GPR55: variants seen among roughly 807,000 people sequenced by gnomAD.
GPR55 encodes the protein G-protein coupled receptor 55.
Under a neutral mutation model 7.9 loss-of-function variants are expected in GPR55, and 6 were observed. The observed-to-expected ratio is 0.76, with a 90% CI of 0.41 to 1.49. GPR55 has a LOEUF of 1.49. Among genes scored for constraint, GPR55 ranks in the 40% most tolerant of loss-of-function variants. The pLI is 0.01. For synonymous variants in GPR55, 183 were observed against 166.8 expected, an observed-to-expected ratio of 1.10 and a Z score of -0.75; for missense variants, 376 against 406.0, an observed-to-expected ratio of 0.93 and a Z score of 0.63.
chr2:230,927,111 T>C (rs1416457918), upstream of GPR55, among the ~76,000 whole-genome samples: 7 of 152,222 alleles, frequency 4.6e-5, no homozygotes, highest in South Asian at 2.1e-4. Context: ...TAAACACATA[T>C]AGGAAAATAT....
chr2:230,924,920 G>A lies in GPR55; in HGVS notation c.-135+248C>T, dbSNP rs555878543. On this transcript the variant is annotated intron_variant, in intron 1 of 1. Coordinates refer to ENST00000650999, the MANE Select transcript of GPR55 (RefSeq NM_005683.4). The surrounding 1 kb of genome is among the most constrained non-coding windows in gnomAD (Gnocchi z 4.5). ...CAGATCAGGAGGAAGTTGAGGGTTC[G>A]TAGAAAAATGTCACTCGTAATCGGG... is the stretch of plus-strand genomic sequence containing the variant. Among the ~76,000 whole-genome samples, 14 of 152,248 alleles carry A rather than the reference G, an allele frequency of 9.2e-5. No homozygotes were observed. The highest frequency in any genetic ancestry group is 2.9e-4 in the African/African-American group (12 of 41,542).
chr2:230,913,112 C>A (rs143642222), intron 1 of GPR55, among the ~76,000 whole-genome samples: 243 of 152,240 alleles, frequency 1.6e-3, no homozygotes, highest in Non-Finnish European at 2.6e-3. Context: ...GGCTTGTTTG[C>A]CTCCCATTGT....
upstream of GPR55, among the ~76,000 whole-genome samples, chr2:230,929,361 T>C: frequency 6.6e-6 from 1 of 152,126 alleles, no homozygotes; most frequent in Non-Finnish European, 1.5e-5. Context: ...TGAAGATGTC[T>C]CCTTGAAAGT....
chr2:230,950,818 C>T (rs905183425), intron 1 of GPR55, among the ~76,000 whole-genome samples: 5 of 150,906 alleles, frequency 3.3e-5, no homozygotes, highest in Non-Finnish European at 7.4e-5. Flanking sequence ...TCTTCCCCCG[C>T]CTTTCTGATT....
At chr2:230,926,452 T>C (rs532471920), upstream of GPR55, among the ~76,000 whole-genome samples, 1 of 152,212 alleles carries the variant, frequency 6.6e-6, no homozygotes, top group Admixed American at 6.5e-5. Context: ...GGCTGGCTAC[T>C]GGGCAAGGGG....
At position 230,909,807 on chromosome 2, in the gene GPR55, T is replaced by G; in HGVS notation, c.*196A>C. 2 of 585,518 alleles carry G rather than the reference T, an allele frequency of 3.4e-6. No individual in the cohort carries two copies. The highest frequency in any genetic ancestry group is 6.0e-6 in the Non-Finnish European group (2 of 331,288). The allele number at this position is 585,518 out of a possible 1,614,324, so 36.3% of individuals were successfully genotyped here. A position where few individuals can be genotyped will look rare whatever the true frequency, so the allele number is the denominator to read the frequency against. ...TCTTCAGAGATCCCTGAACACTGGG[T>G]GGTATAAGCTGTCTGGGCAGTGGAA... is the stretch of plus-strand genomic sequence containing the variant. On this transcript the variant is annotated 3_prime_UTR_variant, in exon 2 of 2. Transcript: ENST00000650999.
At chr2:230,928,086 G>T (rs1385707379), upstream of GPR55, among the ~76,000 whole-genome samples, 1 of 152,174 alleles carries the variant, frequency 6.6e-6, no homozygotes, top group Non-Finnish European at 1.5e-5. Flanking sequence ...GTTGGTGAGG[G>T]CCCGGGCACC....
At chr2:230,958,522 T>C (rs951270666) in intron 1 of GPR55, among the ~76,000 whole-genome samples, 3 of 152,170 alleles carry the variant, frequency 2.0e-5, no homozygotes, top group African/African-American at 7.2e-5. Flanking sequence ...TAACCATTCC[T>C]ACCTCCCTCT....
intron 1 of GPR55, among the ~76,000 whole-genome samples, chr2:230,919,544 G>T (rs1386805391): frequency 6.6e-6 from 1 of 152,158 alleles, no homozygotes; most frequent in African/African-American, 2.4e-5. Context: ...TTTGGCAAGG[G>T]TTCTGTGAAA....
chr2:230,927,421 C>T (rs7579552), upstream of GPR55, among the ~76,000 whole-genome samples: 3,082 of 152,328 alleles, frequency 0.02, 108 homozygotes, highest in African/African-American at 0.069. Context: ...GGCAGGGACT[C>T]GCCCAAGGCC....
chr2:230,937,614 C>T (rs1019684148), intron 1 of GPR55, among the ~76,000 whole-genome samples: 6 of 151,398 alleles, frequency 4.0e-5, no homozygotes, highest in South Asian at 2.1e-4. Context: ...CTTTGTGGCA[C>T]GGAGCATTTA....
At chr2:230,942,426 C>T (rs927177973) in intron 1 of GPR55, among the ~76,000 whole-genome samples, 1 of 152,224 alleles carries the variant, frequency 6.6e-6, no homozygotes, top group African/African-American at 2.4e-5. Flanking sequence ...GACCCAGCCA[C>T]TGCCCTCCAG....
At chr2:230,948,941 C>T (rs1430627539) in intron 1 of GPR55, among the ~76,000 whole-genome samples, 8 of 152,044 alleles carry the variant, frequency 5.3e-5, no homozygotes, top group African/African-American at 1.4e-4. Flanking sequence ...TGGTGGCGTG[C>T]GCCTGTAATC....
chr2:230,931,325 T>C (rs1001338989), intron 1 of GPR55, among the ~76,000 whole-genome samples: 7 of 152,174 alleles, frequency 4.6e-5, no homozygotes, highest in Admixed American at 3.9e-4. Context: ...CTGTTCATTC[T>C]CCAAACACCC....
intron 1 of GPR55, among the ~76,000 whole-genome samples, chr2:230,960,296 G>A (rs1410419419): frequency 6.6e-6 from 1 of 152,188 alleles, no homozygotes; most frequent in Non-Finnish European, 1.5e-5. Flanking sequence ...TAAGAAATGT[G>A]CAGTACCAGT....
At chr2:230,958,017 C>A in intron 1 of GPR55, 1 of 315,086 alleles carries the variant, frequency 3.2e-6, no homozygotes, top group Non-Finnish European at 6.5e-6. Flanking sequence ...AGCTCAACCA[C>A]ATAAAACATT....
At chr2:230,920,615 A>G (rs911046136) in intron 1 of GPR55, among the ~76,000 whole-genome samples, 1 of 152,208 alleles carries the variant, frequency 6.6e-6, no homozygotes, top group African/African-American at 2.4e-5. Context: ...TTCATAGTGA[A>G]GAGTAGGTGA....
intron 1 of GPR55, among the ~76,000 whole-genome samples, chr2:230,920,157 A>G (rs941122711): frequency 6.6e-6 from 1 of 151,908 alleles, no homozygotes; most frequent in Non-Finnish European, 1.5e-5. Context: ...CTGAGATTAA[A>G]AAAATATATA....
At chr2:230,952,513 A>C (rs935357237) in intron 1 of GPR55, among the ~76,000 whole-genome samples, 1 of 152,138 alleles carries the variant, frequency 6.6e-6, no homozygotes, top group Non-Finnish European at 1.5e-5. Flanking sequence ...GCACATTCCC[A>C]GGGCAGGGCT....
Sources: gnomAD v4.1 joint callset for allele counts (sites outside exome capture counted in the v4.1 genomes callset) on GRCh38, gnomAD v4.1.1 for gene constraint, Gnocchi (gnomAD v3.1) non-coding constraint, MANE v1.5 for transcripts, NCBI Gene and HGNC (gene_info 2026-07-23, HGNC 2026-07-21) for gene names.